KMT2D: variants seen among roughly 807,000 people sequenced by gnomAD.
KMT2D encodes lysine methyltransferase 2D, also known as histone-lysine N-methyltransferase 2D.
A neutral mutation model predicts 512.7 loss-of-function variants in KMT2D; 55 were observed. That is an observed-to-expected ratio of 0.11 (90% CI 0.09 to 0.13). The LOEUF (loss-of-function observed/expected upper bound fraction) is 0.13, where lower values mean the gene tolerates loss of function less well. Among genes scored for constraint, KMT2D ranks in the 10% least tolerant of loss-of-function variants. KMT2D has a pLI of 1.00. For missense variants in KMT2D, 6,061 were observed against 7,127.9 expected (o/e 0.85, Z 5.39); for synonymous variants, 2,995 against 2,904.0 (o/e 1.03, Z -1.01).
intron 46 of KMT2D, 37 bp downstream of exon 46, chr12:49,028,791 A>C: frequency 6.2e-7 from 1 of 1,609,142 alleles, no homozygotes; most frequent in Non-Finnish European, 8.5e-7. Flanking sequence ...CCCTCTGATC[A>C]GGTTCCCCTC....
chr12:49,043,871 C>T lies in KMT2D; in HGVS notation c.5316G>A (p.Leu1772=), dbSNP rs2120574459. The change falls in exon 23 of 55, where the codon TTG becomes TTA. Residue 1772 remains leucine, a synonymous_variant. Transcript: ENST00000301067. ...CTGCTTGGAGCCTGAGACCCACCTG[C>T]AAGTAAGCAGGGAACATGTCCTCCA... ...SKLEDMFPAY[L]QEAFFGKELL... The T allele has an allele frequency of 6.2e-7, 1 of 1,614,084 alleles. No homozygotes were observed. Among genetic ancestry groups the T allele is most frequent in the Non-Finnish European group, 8.5e-7 (1 of 1,179,902 alleles).
rs1333752107 is a variant in KMT2D, at chr12:49,033,766, G to T, written c.10939C>A (p.Pro3647Thr). ...PGHGLQPPQG[P>T]PGGQAGGLRL... The stretch of plus-strand genomic sequence containing the variant: ...AGACCTCCGGCTTGCCCACCCGGAG[G>T]CCCCTGTGGTGGCTGCAGCCCATGG... Residue 3647 changes from proline to threonine, a missense_variant, in exon 40 of 55, where the codon CCT becomes ACT. Pro to Thr is a conservative substitution (Grantham distance 38). Coordinates refer to ENST00000301067, the MANE Select transcript of KMT2D (RefSeq NM_003482.4). 3.7e-6 allele frequency: 6 copies of T among 1,610,324 alleles called. No individual in the cohort carries two copies. In the South Asian group the frequency reaches 6.6e-5, roughly 18 times the overall value.
In KMT2D at chr12:49,051,456, G is replaced by C. The variant is rs1226573244; in HGVS notation, c.2227C>G (p.Leu743Val). ...TGCGGCTCCTCAGGCCGGGGTGACAGGTGCGGCCCCTCGGACCGGGGGCAG... is the reference window on the plus strand; with the variant it reads ...TGCGGCTCCTCAGGCCGGGGTGACACGTGCGGCCCCTCGGACCGGGGGCAG... Reference protein sequence around the residue: ...QLCPRSEGPHLSPRPEEPHLS... With the variant: ...QLCPRSEGPHVSPRPEEPHLS... The change falls in exon 11 of 55, where the codon CTG (leucine) becomes GTG (valine). Residue 743 changes from leucine (L) to valine (V), a missense_variant. Leu to Val is a conservative substitution (Grantham distance 32, BLOSUM62 1). Coordinates refer to ENST00000301067, the MANE Select transcript of KMT2D (RefSeq NM_003482.4). 1.9e-6 allele frequency: 3 copies of C among 1,613,430 alleles called. No individual in the cohort carries two copies. The highest frequency in any genetic ancestry group is 2.5e-6 in the Non-Finnish European group (3 of 1,179,738).
In KMT2D at chr12:49,040,710, G is replaced by A. The variant is rs369458206; in HGVS notation, c.7060C>T (p.Pro2354Ser). ...GLGLRPQEPP[P>S]AQALAPSPPS... ...GGAGAAGGTGCCAAAGCCTGGGCAG[G>A]GGGTGGCTCCTGGGGCCTTAGGCCC... Residue 2354 changes from proline to serine, a missense_variant, in exon 32 of 55, where the codon CCT becomes TCT. Physicochemically the swap from Pro to Ser is moderately conservative, Grantham distance 74. Around this residue, in one of 16 missense-constraint regions of KMT2D, gnomAD observed 710 missense variants for 647.3 expected, o/e 1.10. Transcript: ENST00000301067. 7.9e-5 allele frequency: 127 copies of A among 1,613,684 alleles called. No individual in the cohort carries two copies. Among genetic ancestry groups the A allele is most frequent in the African/African-American group, 7.3e-4 (55 of 74,896 alleles).
chr12:49,056,352 A>G (rs1249716267), intron 1 of KMT2D, among the ~76,000 whole-genome samples: 1 of 152,206 alleles, frequency 6.6e-6, no homozygotes, highest in East Asian at 1.9e-4. Flanking sequence ...GCGTGCCTGT[A>G]TCAGAGCCAA....
Position 49,040,019 on chromosome 12 carries a change from G to A in KMT2D, c.7751C>T (p.Thr2584Ile), listed in dbSNP as rs1384949181. The A allele has an allele frequency of 1.2e-6, 2 of 1,613,738 alleles. No homozygotes were observed. Among genetic ancestry groups the A allele is most frequent in the East Asian group, 2.2e-5 (1 of 44,870 alleles). ...KPQSTNYTVA[T>I]GNFHPSGSPL... ...GCTGCCCGATGGGTGGAAGTTCCCT[G>A]TGGCTACTGTGTAGTTTGTGCTTTG... Residue 2584 changes from threonine (T) to isoleucine (I), a missense_variant, in exon 32 of 55, where the codon ACA (threonine) becomes ATA (isoleucine). This residue lies in a region of KMT2D where 527 missense variants were observed against 578.9 expected (regional missense o/e 0.91). Transcript: ENST00000301067.
chr12:49,031,639 C>T lies in KMT2D; in HGVS notation c.13066G>A (p.Gly4356Arg), dbSNP rs2120422171. The change falls in exon 40 of 55, where the codon GGG (glycine) becomes AGG (arginine). Residue 4356 changes from glycine (G) to arginine (R), a missense_variant. Transcript: ENST00000301067. ...PQGPTLEPPP[G>R]RVSPAAAQLA... is the part of the protein sequence containing the mutation. Reference sequence around the variant, plus strand: ...TGGGCAGCAGCAGGTGAGACCCTCCCAGGAGGCGGCTCCAAGGTTGGCCCC... The same window carrying T: ...TGGGCAGCAGCAGGTGAGACCCTCCTAGGAGGCGGCTCCAAGGTTGGCCCC... 6.2e-7 allele frequency: 1 copy of T among 1,604,464 alleles called. No homozygotes were observed. The highest frequency in any genetic ancestry group is 8.5e-7 in the Non-Finnish European group (1 of 1,175,704).
rs1027983394 is a variant in KMT2D, at chr12:49,034,139, G to A, written c.10668C>T (p.Phe3556=). 8 of 1,613,160 alleles carry A rather than the reference G, an allele frequency of 5.0e-6. No homozygotes were observed. The highest frequency in any genetic ancestry group is 6.8e-6 in the Non-Finnish European group (8 of 1,179,876). The change falls in exon 39 of 55, where the codon TTC becomes TTT. Residue 3556 remains phenylalanine (F), a synonymous_variant. Coordinates refer to ENST00000301067, the MANE Select transcript of KMT2D (RefSeq NM_003482.4). ...QRTAKKAGRE[F]PEADAEKLKL... ...TGAGCTTCTCAGCATCAGCTTCTGG[G>A]AACTCACGGCCAGCTTTTTTGGCAG... is the stretch of plus-strand genomic sequence containing the variant.
In KMT2D at chr12:49,054,672, C is replaced by T. The variant is rs587783708; in HGVS notation, c.256G>A (p.Glu86Lys). The change falls in exon 4 of 55, where the codon GAG becomes AAG. Residue 86 changes from glutamate (E) to lysine (K), a missense_variant. Physicochemically the swap from Glu to Lys is moderately conservative, Grantham distance 56. Coordinates refer to ENST00000301067, the MANE Select transcript of KMT2D (RefSeq NM_003482.4). This position sits in a 1 kb window ranked among gnomAD's most constrained non-coding sequence, Gnocchi z 6.4. Reference protein sequence around the residue: ...LHGQRELRRFELPFDWPRCPV... With the variant: ...LHGQRELRRFKLPFDWPRCPV... ...CACCGGGGCCAATCAAATGGCAACT[C>T]AAAGCGCCGTAGCTCCCGCTGCCCG... 8 of 1,612,704 alleles carry T rather than the reference C, an allele frequency of 5.0e-6. No homozygotes were observed. The highest frequency in any genetic ancestry group is 6.8e-6 in the Non-Finnish European group (8 of 1,179,290).
rs2120514387 is a variant in KMT2D at position 49,039,671 on chromosome 12, T to C, written c.8046+53A>G. On this transcript the variant is annotated intron_variant, in intron 32 of 54. Transcript: ENST00000301067. The surrounding 1 kb of genome is among the most constrained non-coding windows in gnomAD (Gnocchi z 5.0). The stretch of plus-strand genomic sequence containing the variant: ...GCCCATTCTACTCCAATCATAGGGC[T>C]GCCCCAGAGACAGGAGCGATATAGG... 8 of 1,602,804 alleles carry C rather than the reference T, an allele frequency of 5.0e-6. No homozygotes were observed. The highest frequency in any genetic ancestry group is 6.8e-6 in the Non-Finnish European group (8 of 1,175,310).
chr12:49,055,128 GTGA>G (rs933535297), intron 2 of KMT2D, 102 bp from the exon 3 acceptor site: 185 of 1,561,776 alleles, frequency 1.2e-4, no homozygotes, highest in Non-Finnish European at 1.5e-4. Context: ...GTGGATCAGA[GTGA>G]TGATATTTCA....
chr12:49,027,515 T>A (rs1442750667), intron 48 of KMT2D, among the ~76,000 whole-genome samples, 193 bp from the exon 49 acceptor site: 1 of 152,038 alleles, frequency 6.6e-6, no homozygotes, highest in Admixed American at 6.6e-5. Flanking sequence ...AGTGGCACAA[T>A]CTTGGCTCAC....
chr12:49,043,262 G>A (rs1453529782), intron 25 of KMT2D, 76 bp from the exon 26 acceptor site: 1 of 1,547,788 alleles, frequency 6.5e-7, no homozygotes, highest in African/African-American at 1.4e-5. Context: ...AGGGCCATGG[G>A]ACAGTTTCCA....
rs371853535 is a variant in KMT2D at position 49,026,330 on chromosome 12, G to A, written c.15636C>T (p.Ala5212=). ...ATALYPVGYE[A]TRIYWSLRTN... Reference sequence around the variant, plus strand: ...TGCGGAGGCTCCAATAGATGCGCGTGGCCTCGTAGCCCACGGGATAGAGGG... The same window carrying A: ...TGCGGAGGCTCCAATAGATGCGCGTAGCCTCGTAGCCCACGGGATAGAGGG... The change falls in exon 49 of 55, where the codon GCC becomes GCT. Residue 5212 remains alanine, a synonymous_variant. Coordinates refer to ENST00000301067, the MANE Select transcript of KMT2D (RefSeq NM_003482.4). This position sits in a 1 kb window ranked among gnomAD's most constrained non-coding sequence, Gnocchi z 9.6. 6.2e-6 allele frequency: 10 copies of A among 1,612,056 alleles called. No individual in the cohort carries two copies. Among genetic ancestry groups the A allele is most frequent in the Admixed American group, 1.7e-5 (1 of 59,996 alleles).
Position 49,020,032 on chromosome 12 carries a change from C to A in KMT2D, c.*1748G>T, listed in dbSNP as rs182918402. ...AACTGCATATAAGCTTCATCTTCAT[C>A]CCCACGGTTCCCTACCAGAGAGGGG... On this transcript the variant is annotated 3_prime_UTR_variant, in exon 55 of 55. Transcript: ENST00000301067. 100 of 205,640 alleles carry A rather than the reference C, an allele frequency of 4.9e-4. 1 individual carries two copies. The highest frequency in any genetic ancestry group is 2.2e-3 in the African/African-American group (97 of 43,758). The allele number at this position is 205,640 out of a possible 1,614,324, so 12.7% of individuals were successfully genotyped here.
In KMT2D at chr12:49,026,904, C is replaced by A. The variant is rs754444347; in HGVS notation, c.15062G>T (p.Arg5021Leu). 6.2e-7 allele frequency: 1 copy of A among 1,614,018 alleles called. No homozygotes were observed. Among genetic ancestry groups the A allele is most frequent in the South Asian group, 1.1e-5 (1 of 91,086 alleles). The change falls in exon 49 of 55, where the codon CGA (arginine) becomes CTA (leucine). Residue 5021 changes from arginine to leucine, a missense_variant. Coordinates refer to ENST00000301067, the MANE Select transcript of KMT2D (RefSeq NM_003482.4). This position sits in a 1 kb window ranked among gnomAD's most constrained non-coding sequence, Gnocchi z 9.6. ...CATGTCTCGCGGTACCTTGTCAGGT[C>A]GCAAGGCTGTGCCAAGCTGCTCCAT... is the stretch of plus-strand genomic sequence containing the variant. Reference protein sequence around the residue: ...EFMEQLGTALRPDKVPRDMRR... With the variant: ...EFMEQLGTALLPDKVPRDMRR...
At chr12:49,049,050 C>A (rs1244113113) in intron 13 of KMT2D, 55 bp downstream of exon 13, 10 of 1,125,300 alleles carry the variant, frequency 8.9e-6, no homozygotes, top group Admixed American at 1.9e-5. Context: ...TGGCAGGACT[C>A]AGAGGGTGCT....
Position 49,039,553 on chromosome 12 carries a change from T to C in KMT2D, c.8111A>G (p.Lys2704Arg), listed in dbSNP as rs2120512742. The stretch of plus-strand genomic sequence containing the variant: ...TCCTGCAGCTGCTGCAGCTGTTTCC[T>C]TCTCCTGCCGCAGGGTGTTGCGCTG... ...QIQRNTLRQE[K>R]ETAAAAAGAV... Residue 2704 changes from lysine (K) to arginine (R), a missense_variant, in exon 33 of 55, where the codon AAG (lysine) becomes AGG (arginine). Around this residue, in one of 16 missense-constraint regions of KMT2D, gnomAD observed 527 missense variants for 578.9 expected, o/e 0.91. Transcript: ENST00000301067. The surrounding 1 kb of genome is among the most constrained non-coding windows in gnomAD (Gnocchi z 5.0). 2 of 1,612,038 alleles carry C rather than the reference T, an allele frequency of 1.2e-6. No individual in the cohort carries two copies. Among genetic ancestry groups the C allele is most frequent in the Non-Finnish European group, 1.7e-6 (2 of 1,179,602 alleles).
intron 48 of KMT2D, among the ~76,000 whole-genome samples, chr12:49,027,542 T>C (rs1942663722): frequency 6.6e-6 from 1 of 152,116 alleles, no homozygotes; most frequent in Non-Finnish European, 1.5e-5. Context: ...CTCTGCCTCC[T>C]GGGTTCAAGG....
Sources: gnomAD v4.1 joint callset for allele counts (sites outside exome capture counted in the v4.1 genomes callset) on GRCh38, gnomAD v4.1.1 for gene constraint, gnomAD v4.1.1 regional missense constraint, Gnocchi (gnomAD v3.1) non-coding constraint, MANE v1.5 for transcripts, NCBI Gene and HGNC (gene_info 2026-07-23, HGNC 2026-07-21) for gene names.